The following PPP4R1 variants were observed in gnomAD, a reference collection of about 807,000 sequenced individuals.
PPP4R1 encodes protein phosphatase 4 regulatory subunit 1.
PPP4R1 carries 42 observed loss-of-function variants against 111.2 expected under a neutral mutation model. The ratio of observed to expected loss-of-function variants is 0.38; its 90% CI spans 0.29 to 0.49. The LOEUF is 0.49. PPP4R1 is among the 20% of genes least tolerant of loss of function. The pLI, the probability that PPP4R1 is intolerant of heterozygous loss-of-function variation, is 0.97. For missense variants in PPP4R1, 1,012 were observed against 1,161.6 expected (o/e 0.87, Z 1.87); for synonymous variants, 409 against 405.5 (o/e 1.01, Z -0.10).
chr18:9,567,739 T>C (rs905740461), intron 11 of PPP4R1, among the ~76,000 whole-genome samples: 9 of 152,224 alleles, frequency 5.9e-5, no homozygotes, highest in East Asian at 1.9e-4. Context: ...ACAAACACCA[T>C]TGCTAGCTAT....
chr18:9,572,700 T>C (rs1405923174), intron 10 of PPP4R1, among the ~76,000 whole-genome samples: 1 of 152,224 alleles, frequency 6.6e-6, no homozygotes, highest in African/African-American at 2.4e-5. Flanking sequence ...TACATTCTCA[T>C]GAAATTACGA....
chr18:9,595,996 G>C (rs2145264546), intron 2 of PPP4R1, among the ~76,000 whole-genome samples: 1 of 152,276 alleles, frequency 6.6e-6, no homozygotes. Context: ...AAGCCGAGAA[G>C]CCAAACCTGA....
At chr18:9,588,930 A>C (rs1299719879) in intron 4 of PPP4R1, 77 bp from the exon 5 acceptor site, 1 of 1,527,312 alleles carries the variant, frequency 6.5e-7, no homozygotes, top group Non-Finnish European at 8.8e-7. Flanking sequence ...GAGGGTACTT[A>C]GGAAGGCTAT....
chr18:9,592,073 A>C (rs1024438418), intron 4 of PPP4R1, among the ~76,000 whole-genome samples: 3 of 152,202 alleles, frequency 2.0e-5, no homozygotes, highest in African/African-American at 7.2e-5. Context: ...CTGTCTCAAA[A>C]ACAAAAACAC....
At chr18:9,604,400 G>A (rs771234473) in intron 2 of PPP4R1, among the ~76,000 whole-genome samples, 1 of 152,016 alleles carries the variant, frequency 6.6e-6, no homozygotes, top group African/African-American at 2.4e-5. Context: ...AAGCCTCCCA[G>A]GCAGTCTGAA....
rs751549180 is a variant in PPP4R1 at position 9,559,409 on chromosome 18, C to T, written c.2028+10G>A. On this transcript the variant is annotated intron_variant, in intron 14 of 19. Coordinates refer to ENST00000400556, the MANE Select transcript of PPP4R1 (RefSeq NM_001042388.3). The stretch of plus-strand genomic sequence containing the variant: ...GCACGTTCTGCTAATTCTTTAACTG[C>T]TTTACTCACCTGCATGTCTGAGGCC... 4.4e-6 allele frequency: 7 copies of T among 1,600,826 alleles called. 1 individual carries two copies. The South Asian group carries it at 7.9e-5, about 18-fold the overall frequency.
intron 9 of PPP4R1, among the ~76,000 whole-genome samples, chr18:9,582,680 G>A (rs2067049303): frequency 6.6e-6 from 1 of 152,124 alleles, no homozygotes; most frequent in African/African-American, 2.4e-5. Flanking sequence ...ATTTTATGAG[G>A]CCATTATTAC....
At position 9,547,785 on chromosome 18, in the gene PPP4R1, C is replaced by CCTT; in HGVS notation, c.*1_*3dup. ...AGCAGGAAAGACACCGAGATTCAAG[C>CCTT]CTTCTAGTAGGTTGAGGACGCTGTG... On this transcript the variant is annotated 3_prime_UTR_variant, in exon 20 of 20. Transcript: ENST00000400556. 1 of 1,612,550 alleles carries CCTT rather than the reference C, an allele frequency of 6.2e-7. No homozygotes were observed. Among genetic ancestry groups the CCTT allele is most frequent in the Non-Finnish European group, 8.5e-7 (1 of 1,179,816 alleles).
chr18:9,590,524 C>T (rs1480202966), intron 4 of PPP4R1, among the ~76,000 whole-genome samples: 1 of 152,136 alleles, frequency 6.6e-6, no homozygotes, highest in African/African-American at 2.4e-5. Flanking sequence ...AAAATGAAAT[C>T]AGCAACTTTT....
chr18:9,592,305 C>T (rs114846351), intron 4 of PPP4R1, among the ~76,000 whole-genome samples: 396 of 152,240 alleles, frequency 2.6e-3, no homozygotes, highest in African/African-American at 8.7e-3. Flanking sequence ...TCAGGTTGGC[C>T]TCATTGTTGA....
intron 2 of PPP4R1, among the ~76,000 whole-genome samples, chr18:9,610,316 T>C (rs2067555902): frequency 6.6e-6 from 1 of 152,234 alleles, no homozygotes; most frequent in African/African-American, 2.4e-5. Flanking sequence ...TAAAAAGGGT[T>C]TACCCAACTC....
Position 9,563,485 on chromosome 18 carries a change from T to G in PPP4R1, c.1639A>C (p.Ser547Arg), listed in dbSNP as rs757710528. The G allele has an allele frequency of 3.1e-6, 5 of 1,607,308 alleles. No individual in the cohort carries two copies. The Admixed American group carries it at 8.3e-5, about 27-fold the overall frequency. ...SSLDAHEETI[S>R]IEKRSDLQDE... ...TGCAAATCACTTCTCTTTTCTATAC[T>G]GATGGTCTCTTCATGTGCATCCAGG... Residue 547 changes from serine to arginine, a missense_variant, in exon 12 of 20, where the codon AGT becomes CGT. By Grantham distance (110) the Ser-to-Arg change is moderately radical. This residue lies in a region of PPP4R1 where 707 missense variants were observed against 742.1 expected (regional missense o/e 0.95). Transcript: ENST00000400556.
chr18:9,588,120 C>T lies in PPP4R1; in HGVS notation c.554G>A (p.Ser185Asn). ...AGCTTCTGTTTTCACATCATCATTG[C>T]TATCTGGGGCTGTCAGCTCTATGAG... The part of the protein sequence containing the change: ...PVLIELTAPD[S>N]NDDVKTEAVA... The change falls in exon 6 of 20, where the codon AGC becomes AAC. Residue 185 changes from serine (S) to asparagine (N), a missense_variant. Physicochemically the swap from Ser to Asn is conservative, Grantham distance 46. Transcript: ENST00000400556. The T allele has an allele frequency of 6.2e-7, 1 of 1,614,014 alleles. No homozygotes were observed. The highest frequency in any genetic ancestry group is 8.5e-7 in the Non-Finnish European group (1 of 1,179,964).
At chr18:9,605,566 C>CAAAAAAAAAAAAAAAAAAAAAAAAA in intron 2 of PPP4R1, among the ~76,000 whole-genome samples, 1 of 67,636 alleles carries the variant, frequency 1.5e-5, no homozygotes, top group African/African-American at 5.9e-5. Context: ...GCAGTCCTGT[C>CAAAAAAAAAAAAAAAAAAAAAAAAA]AAAAAAAAAA....
chr18:9,552,150 G>A (rs766283125), intron 16 of PPP4R1, among the ~76,000 whole-genome samples: 4 of 152,128 alleles, frequency 2.6e-5, no homozygotes, highest in Non-Finnish European at 5.9e-5. Context: ...TGAAAATGCA[G>A]GTGAGGTCTA....
chr18:9,560,184 G>A (rs1368712808), intron 13 of PPP4R1, among the ~76,000 whole-genome samples: 1 of 152,206 alleles, frequency 6.6e-6, no homozygotes, highest in Non-Finnish European at 1.5e-5. Context: ...GGAGGCTGAG[G>A]TGGGATGATC....
intron 15 of PPP4R1, among the ~76,000 whole-genome samples, chr18:9,554,255 G>A (rs2066534005): frequency 6.6e-6 from 1 of 151,822 alleles, no homozygotes; most frequent in Non-Finnish European, 1.5e-5. Context: ...AGCCTCCCGA[G>A]TAGCTGGGAC....
chr18:9,588,868 G>T lies in PPP4R1; in HGVS notation c.296-15C>A. ...CACAGTTGGTTCTATTGAAATAACG[G>T]CAATGTGAGCAAACATGTTCTCCTG... On this transcript the variant is annotated splice_polypyrimidine_tract_variant and intron_variant, in intron 4 of 19. Transcript: ENST00000400556. 1 of 1,609,812 alleles carries T rather than the reference G, an allele frequency of 6.2e-7. No homozygotes were observed. Among genetic ancestry groups the T allele is most frequent in the East Asian group, 2.2e-5 (1 of 44,832 alleles).
chr18:9,571,998 T>C (rs1196955099), intron 10 of PPP4R1, among the ~76,000 whole-genome samples: 1 of 152,232 alleles, frequency 6.6e-6, no homozygotes, highest in Non-Finnish European at 1.5e-5. Context: ...GATGATGTTC[T>C]GATGGAGGCA....
Sources: gnomAD v4.1 joint callset for allele counts (sites outside exome capture counted in the v4.1 genomes callset) on GRCh38, gnomAD v4.1.1 for gene constraint, gnomAD v4.1.1 regional missense constraint, MANE v1.5 for transcripts, NCBI Gene and HGNC (gene_info 2026-07-23, HGNC 2026-07-21) for gene names.